Variants in NLGN1 observed in about 807,000 individuals in gnomAD.
NLGN1 encodes the protein neuroligin-1.
NLGN1 carries 12 observed loss-of-function variants against 65.5 expected under a neutral mutation model. That is an observed-to-expected ratio of 0.18 (90% CI 0.12 to 0.30). The LOEUF (loss-of-function observed/expected upper bound fraction) is 0.30. Ranked by LOEUF, NLGN1 falls within the 10% of genes least tolerant of loss-of-function variation. The pLI, the probability that NLGN1 is intolerant of heterozygous loss-of-function variation, is 1.00. For missense variants in NLGN1, 750 were observed against 1,007.1 expected, an observed-to-expected ratio of 0.74 and a Z score of 3.46; for synonymous variants, 350 against 359.5, an observed-to-expected ratio of 0.97 and a Z score of 0.30.
At chr3:174,139,026 T>G (rs1332391751) in intron 4 of NLGN1, among the ~76,000 whole-genome samples, 1 of 152,170 alleles carries the variant, frequency 6.6e-6, no homozygotes, top group African/African-American at 2.4e-5. Flanking sequence ...TAATACCCAG[T>G]TACAAAATAT....
chr3:174,234,985 C>CTTTTT lies in NLGN1; in HGVS notation c.647-40304_647-40300dup, dbSNP rs748911027. The stretch of plus-strand genomic sequence containing the variant: ...GAGCTTTGTAAAATAAAGGAATCAC[C>CTTTTT]TTTTTTTTTTTTTTTTTTTTTTTTT... On this transcript the variant is annotated intron_variant, in intron 4 of 6. Coordinates refer to ENST00000457714, the Ensembl canonical transcript of NLGN1. Among the ~76,000 whole-genome samples the CTTTTT allele has an allele frequency of 2.4e-3, 161 of 65,754 alleles. 34 individuals carry two copies. The highest frequency in any genetic ancestry group is 5.8e-3 in the African/African-American group (73 of 12,494). 43.1% of individuals were successfully genotyped at this position (65,754 alleles called of 152,430 possible). A position where few individuals can be genotyped will look rare whatever the true frequency, so the allele number is the denominator to read the frequency against.
intron 4 of NLGN1, among the ~76,000 whole-genome samples, chr3:173,855,798 C>T (rs1408667075): frequency 6.6e-6 from 1 of 152,118 alleles, no homozygotes; most frequent in Non-Finnish European, 1.5e-5. Context: ...GGCGATATCA[C>T]AATTCAACTC....
intron 3 of NLGN1, among the ~76,000 whole-genome samples, chr3:173,779,747 G>C (rs1294306140): frequency 6.6e-6 from 1 of 152,076 alleles, no homozygotes; most frequent in Admixed American, 6.5e-5. Context: ...TCAGATAAGT[G>C]GATTTTGAGG....
At position 174,227,290 on chromosome 3, in the gene NLGN1, C is replaced by T. The variant is rs529883172; in HGVS notation, c.647-48025C>T. 7.9e-5 allele frequency among the ~76,000 whole-genome samples: 12 copies of T among 152,126 alleles called. No homozygotes were observed. The East Asian group carries it at 1.7e-3, about 22-fold the overall frequency. On this transcript the variant is annotated intron_variant, in intron 4 of 6. Transcript: ENST00000457714. Reference sequence around the variant, plus strand: ...TCCTGTGAAATATAAGACTGAAAAACAAAAGCAATCCAAGGGAATATTCAC... The same window carrying T: ...TCCTGTGAAATATAAGACTGAAAAATAAAAGCAATCCAAGGGAATATTCAC...
intron 3 of NLGN1, among the ~76,000 whole-genome samples, chr3:173,655,994 C>T (rs1339110755): frequency 2.0e-5 from 3 of 152,058 alleles, no homozygotes; most frequent in Non-Finnish European, 4.4e-5. Context: ...GGCTCAAGAG[C>T]CCTGTTAAAG....
intron 3 of NLGN1, among the ~76,000 whole-genome samples, chr3:173,665,418 A>G (rs1761553782): frequency 6.6e-6 from 1 of 152,160 alleles, no homozygotes; most frequent in Non-Finnish European, 1.5e-5. Context: ...TTCCCTTTAT[A>G]AATTACTCAG....
intron 4 of NLGN1, among the ~76,000 whole-genome samples, chr3:173,837,464 A>C (rs1462169918): frequency 6.6e-6 from 1 of 152,158 alleles, no homozygotes; most frequent in Non-Finnish European, 1.5e-5. Context: ...TTTTAATAGC[A>C]TGTCTATTAT....
chr3:173,679,386 C>G (rs111624975), intron 3 of NLGN1, among the ~76,000 whole-genome samples: 70 of 152,072 alleles, frequency 4.6e-4, no homozygotes, highest in African/African-American at 1.4e-3. Flanking sequence ...TTACAGGCAG[C>G]ACTAATTCTG....
downstream of NLGN1, among the ~76,000 whole-genome samples, chr3:174,291,041 TA>T (rs1429036562): frequency 1.3e-5 from 2 of 150,808 alleles, no homozygotes; most frequent in East Asian, 3.9e-4. Context: ...AATAATTTTT[TA>T]AATTAAGACT....
intron 2 of NLGN1, among the ~76,000 whole-genome samples, chr3:173,531,621 A>T (rs1183835886): frequency 6.6e-6 from 1 of 151,030 alleles, no homozygotes; most frequent in Non-Finnish European, 1.5e-5. Context: ...TAGTCAGTCA[A>T]GTTCTCATAT....
chr3:173,972,015 G>T (rs1716357311), intron 4 of NLGN1, among the ~76,000 whole-genome samples: 1 of 152,056 alleles, frequency 6.6e-6, no homozygotes, highest in African/African-American at 2.4e-5. Flanking sequence ...TCAATGGAAA[G>T]TACCCAGCTG....
chr3:174,137,886 A>T (rs1270696394), intron 4 of NLGN1, among the ~76,000 whole-genome samples: 1 of 152,206 alleles, frequency 6.6e-6, no homozygotes, highest in Admixed American at 6.5e-5. Flanking sequence ...TTATTTGCAC[A>T]TATGGTGCCT....
In NLGN1 at chr3:173,422,190, A is replaced by G. The variant is rs575384069; in HGVS notation, c.-389-12820A>G. ...ACACACAATGGAATACTATTCAGCT[A>G]TAAAAAGAAGGAATTCTTGTCATAT... On this transcript the variant is annotated intron_variant, in intron 1 of 6. Coordinates refer to ENST00000457714, the Ensembl canonical transcript of NLGN1. Among the ~76,000 whole-genome samples the G allele has an allele frequency of 2.6e-4, 39 of 152,244 alleles. No homozygotes were observed. The South Asian group carries it at 8.1e-3, about 32-fold the overall frequency.
downstream of NLGN1, among the ~76,000 whole-genome samples, chr3:174,289,897 T>TTA (rs555893028): frequency 2.3e-4 from 29 of 125,976 alleles, no homozygotes; most frequent in African/African-American, 4.3e-4. Flanking sequence ...TGGGGGCACT[T>TTA]TATATATATA....
At chr3:173,967,255 G>A (rs1715093176) in intron 4 of NLGN1, among the ~76,000 whole-genome samples, 1 of 152,154 alleles carries the variant, frequency 6.6e-6, no homozygotes, top group Admixed American at 6.5e-5. Context: ...TCCGACTGGT[G>A]GACAGTGATA....
intron 2 of NLGN1, among the ~76,000 whole-genome samples, chr3:173,596,517 A>G (rs1216987130): frequency 6.6e-6 from 1 of 152,212 alleles, no homozygotes; most frequent in Non-Finnish European, 1.5e-5. Flanking sequence ...TATCTGTTAC[A>G]AGAAGATGAT....
chr3:174,277,001 A>G (rs1338921265), intron 5 of NLGN1, among the ~76,000 whole-genome samples: 1 of 151,892 alleles, frequency 6.6e-6, no homozygotes, highest in Non-Finnish European at 1.5e-5. Context: ...TTAAGAGATG[A>G]GTCAGTTAGT....
chr3:174,255,272 A>T (rs1285099992), intron 4 of NLGN1, among the ~76,000 whole-genome samples: 1 of 151,960 alleles, frequency 6.6e-6, no homozygotes, highest in Non-Finnish European at 1.5e-5. Flanking sequence ...CATCTCTACT[A>T]AAAATACAAA....
At chr3:174,275,468 T>C in exon 5 of NLGN1, 2 of 1,612,638 alleles carry the variant, frequency 1.2e-6, no homozygotes, top group Non-Finnish European at 1.7e-6. Flanking sequence ...GGTTCATGTG[T>C]CAACCTGCTG....
Sources: gnomAD v4.1 joint callset for allele counts (sites outside exome capture counted in the v4.1 genomes callset) on GRCh38, gnomAD v4.1.1 for gene constraint, MANE v1.5 for transcripts, NCBI Gene and HGNC (gene_info 2026-07-23, HGNC 2026-07-21) for gene names.